HAL: variants seen among roughly 807,000 people sequenced by gnomAD.
The protein encoded by HAL is histidase.
Under a neutral mutation model 81.1 loss-of-function variants are expected in HAL, and 85 were observed. That is an observed-to-expected ratio of 1.05 (90% CI 0.88 to 1.25). The LOEUF (loss-of-function observed/expected upper bound fraction) is 1.25. Ranked by LOEUF, HAL falls within the 50% of genes most tolerant of loss-of-function variation. HAL has a pLI of 0.00. For missense variants in HAL, 798 were observed against 836.6 expected, an observed-to-expected ratio of 0.95 and a Z score of 0.57; for synonymous variants, 301 against 309.2, an observed-to-expected ratio of 0.97 and a Z score of 0.28.
chr12:95,990,643 T>A, intron 9 of HAL, 111 bp from the exon 10 acceptor site: 1 of 849,250 alleles, frequency 1.2e-6, no homozygotes, highest in Non-Finnish European at 2.0e-6. Flanking sequence ...CCAATATCTA[T>A]CACTTTATGG....
At chr12:95,983,383 G>A (rs1037865382) in intron 15 of HAL, among the ~76,000 whole-genome samples, 1 of 144,176 alleles carries the variant, frequency 6.9e-6, no homozygotes, top group Non-Finnish European at 1.5e-5. Flanking sequence ...GTGAGACTCC[G>A]TCTAAAAATA....
At chr12:95,989,887 G>T in intron 10 of HAL, 1 of 198,970 alleles carries the variant, frequency 5.0e-6, no homozygotes, top group South Asian at 9.1e-5. Flanking sequence ...TACATTAAAT[G>T]ATGCTTTATG....
intron 17 of HAL, among the ~76,000 whole-genome samples, chr12:95,978,715 C>G (rs1170115755): frequency 6.6e-6 from 1 of 152,124 alleles, no homozygotes; most frequent in Non-Finnish European, 1.5e-5. Flanking sequence ...AACGAGCTCT[C>G]AGGTGATGGC....
chr12:95,995,714 T>C lies in HAL; in HGVS notation c.197A>G (p.Asn66Ser). 1 of 1,613,818 alleles carries C rather than the reference T, an allele frequency of 6.2e-7. No homozygotes were observed. The highest frequency in any genetic ancestry group is 8.5e-7 in the Non-Finnish European group (1 of 1,180,026). Residue 66 changes from asparagine (N) to serine (S), a missense_variant, in exon 2 of 21, where the codon AAC (asparagine) becomes AGC (serine). Asn to Ser is a conservative substitution (Grantham distance 46, BLOSUM62 1). Coordinates refer to ENST00000261208, the MANE Select transcript of HAL (RefSeq NM_002108.4). ...RRCKGLGLLD[N>S]EDRLEVALEN... ...TAGGGCCACCTCGAGCCGGTCCTCG[T>C]TGTCCAGCAGGCCCAGGCCCTTGCA...
In HAL at chr12:95,990,662, C is replaced by G. The variant is rs1592849083; in HGVS notation, c.716-130G>C. 3.9e-6 allele frequency: 3 copies of G among 764,492 alleles called. No homozygotes were observed. The East Asian group carries it at 7.7e-5, about 20-fold the overall frequency. 47.4% of individuals were successfully genotyped at this position (764,492 alleles called of 1,614,324 possible). The stretch of plus-strand genomic sequence containing the variant: ...TATCTATCACTTTATGGCATAGATA[C>G]CTGGGGAAAGACAATTCTTCAAACC... On this transcript the variant is annotated intron_variant, in intron 9 of 20. Coordinates refer to ENST00000261208, the MANE Select transcript of HAL (RefSeq NM_002108.4).
intron 9 of HAL, among the ~76,000 whole-genome samples, chr12:95,991,704 GA>G (rs1949972543): frequency 6.6e-6 from 1 of 152,224 alleles, no homozygotes; most frequent in Non-Finnish European, 1.5e-5. Context: ...TCACGCTGGG[GA>G]ATTCTCAGAG....
intron 4 of HAL, 26 bp from the exon 5 acceptor site, chr12:95,994,190 G>A: frequency 6.6e-7 from 1 of 1,512,838 alleles, no homozygotes; most frequent in Non-Finnish European, 9.2e-7. Flanking sequence ...GGATCTCAGT[G>A]AGTCTGAACA....
At chr12:95,975,519 A>AT (rs2080707498) in intron 20 of HAL, among the ~76,000 whole-genome samples, 2 of 147,034 alleles carry the variant, frequency 1.4e-5, no homozygotes, top group African/African-American at 2.7e-5. Flanking sequence ...TCTCTAAAAA[A>AT]ATTTTTTTTT....
chr12:95,984,378 CT>C (rs2136806873), intron 14 of HAL, among the ~76,000 whole-genome samples: 1 of 152,288 alleles, frequency 6.6e-6, no homozygotes, highest in South Asian at 2.1e-4. Context: ...GCACTTATGG[CT>C]TTTGAGAAGT....
At chr12:95,988,093 A>AGTTAT (rs1428076121) in intron 11 of HAL, 100 bp downstream of exon 11, 9 of 757,668 alleles carry the variant, frequency 1.2e-5, no homozygotes, top group Non-Finnish European at 4.8e-6. Context: ...CAAACATGCA[A>AGTTAT]GTTGCATTTA....
Position 95,995,946 on chromosome 12 carries a change from A to T in HAL, c.-36T>A. ...CAGCCTGAGGTCCTCAGCTGGTCAC[A>T]GGAGGGGAGAGCTTTATGCAGGAGT... On this transcript the variant is annotated 5_prime_UTR_variant, in exon 2 of 21. Coordinates refer to ENST00000261208, the MANE Select transcript of HAL (RefSeq NM_002108.4). 1 of 1,598,600 alleles carries T rather than the reference A, an allele frequency of 6.3e-7. No individual in the cohort carries two copies. The highest frequency in any genetic ancestry group is 8.5e-7 in the Non-Finnish European group (1 of 1,179,170).
chr12:95,994,867 C>A (rs757847983), intron 3 of HAL, 42 bp from the exon 4 acceptor site: 1 of 1,611,150 alleles, frequency 6.2e-7, no homozygotes, highest in South Asian at 1.1e-5. Context: ...TGTGGAAAAA[C>A]CCCCAGCCCC....
In HAL at chr12:95,974,138, C is replaced by G. The variant is rs1356284667; in HGVS notation, c.*94G>C. On this transcript the variant is annotated 3_prime_UTR_variant, in exon 21 of 21. Transcript: ENST00000261208. ...GAACTGAATGATACAATGGATTGATCTACCTAGGAAAGTTCTCAGGTCTCT... is the reference window on the plus strand; with the variant it reads ...GAACTGAATGATACAATGGATTGATGTACCTAGGAAAGTTCTCAGGTCTCT... The G allele has an allele frequency of 4.7e-6, 5 of 1,059,048 alleles. No individual in the cohort carries two copies. Among genetic ancestry groups the G allele is most frequent in the Non-Finnish European group, 7.4e-6 (5 of 674,208 alleles). 65.6% of individuals were successfully genotyped at this position (1,059,048 alleles called of 1,614,324 possible). A position where few individuals can be genotyped will look rare whatever the true frequency, so the allele number is the denominator to read the frequency against.
chr12:95,993,742 A>G (rs775154703), intron 7 of HAL, 30 bp downstream of exon 7: 1 of 1,184,922 alleles, frequency 8.4e-7, no homozygotes, highest in South Asian at 1.2e-5. Flanking sequence ...GGGTAGGTGG[A>G]ACGTGAACAT....
rs1249606554 is a variant in HAL, at chr12:95,973,089, A to G, written c.*1143T>C. The G allele has an allele frequency of 2.6e-5, 4 of 152,196 alleles. No individual in the cohort carries two copies. The highest frequency in any genetic ancestry group is 5.9e-5 in the Non-Finnish European group (4 of 68,034). The allele number at this position is 152,196 out of a possible 1,614,324, so 9.4% of individuals were successfully genotyped here. On this transcript the variant is annotated 3_prime_UTR_variant, in exon 21 of 21. Coordinates refer to ENST00000261208, the MANE Select transcript of HAL (RefSeq NM_002108.4). ...ACTGTTCGGCCCATTTTAGATGGCA[A>G]TTAGGTAGGCAAGGTGGCAAGTGTG...
At chr12:95,990,677 T>C (rs1351986074) in intron 9 of HAL, 145 bp from the exon 10 acceptor site, 1 of 732,580 alleles carries the variant, frequency 1.4e-6, no homozygotes, top group Non-Finnish European at 2.5e-6. Flanking sequence ...GGAAAGACAA[T>C]TCTTCAAACC....
rs760757616 is a variant in HAL at position 95,993,527 on chromosome 12, A to C, written c.552-39T>G. 13 of 1,367,610 alleles carry C rather than the reference A, an allele frequency of 9.5e-6. No homozygotes were observed. The South Asian group carries it at 1.3e-4, about 13-fold the overall frequency. The allele number at this position is 1,367,610 out of a possible 1,614,324, so 84.7% of individuals were successfully genotyped here. A position where few individuals can be genotyped will look rare whatever the true frequency, so the allele number is the denominator to read the frequency against. ...GTAAAAACCCTCTTAGATACATTGC[A>C]GTGAGAAAATGTTCCCTCAGCTGGG... On this transcript the variant is annotated intron_variant, in intron 7 of 20. Coordinates refer to ENST00000261208, the MANE Select transcript of HAL (RefSeq NM_002108.4).
intron 20 of HAL, 95 bp downstream of exon 20, chr12:95,976,334 C>T (rs923151444): frequency 2.0e-6 from 2 of 1,005,852 alleles, no homozygotes; most frequent in Admixed American, 3.4e-5. Context: ...AAGGAATGGC[C>T]AGAAAACAAT....
chr12:95,995,092 T>C (rs1950017069), intron 2 of HAL, 99 bp from the exon 3 acceptor site: 6 of 892,750 alleles, frequency 6.7e-6, no homozygotes, highest in East Asian at 2.4e-5. Context: ...ATGAATTCTA[T>C]AGAAATGGCT....
Sources: allele counts gnomAD v4.1 joint callset (sites outside exome capture counted in the v4.1 genomes callset), GRCh38; gene constraint gnomAD v4.1.1; transcripts MANE v1.5; gene names NCBI Gene and HGNC (gene_info 2026-07-23, HGNC 2026-07-21).